PALM2AKAP2: variants seen among roughly 807,000 people sequenced by gnomAD.
PALM2AKAP2 encodes PALM2 and AKAP2 fusion, also known as PALM2-AKAP2 fusion protein.
In PALM2AKAP2, 37 loss-of-function variants were observed where a neutral mutation model predicts 71.5. That is an observed-to-expected ratio of 0.52 (90% CI 0.40 to 0.68). The LOEUF is 0.68. Among genes scored for constraint, PALM2AKAP2 ranks in the 30% least tolerant of loss-of-function variants. PALM2AKAP2 has a pLI of 0.00. For synonymous variants in PALM2AKAP2, 468 were observed against 478.8 expected, an observed-to-expected ratio of 0.98 and a Z score of 0.29; for missense variants, 1,224 against 1,191.8, an observed-to-expected ratio of 1.03 and a Z score of -0.40.
At chr9:109,827,549 C>T (rs1395832225) in intron 1 of PALM2AKAP2, among the ~76,000 whole-genome samples, 5 of 152,080 alleles carry the variant, frequency 3.3e-5, no homozygotes, top group African/African-American at 1.2e-4. Flanking sequence ...GCAGAGGTTG[C>T]AGTGAGCCGG....
chr9:109,917,823 A>C (rs963109648), intron 3 of PALM2AKAP2, among the ~76,000 whole-genome samples: 1 of 152,158 alleles, frequency 6.6e-6, no homozygotes, highest in Admixed American at 6.5e-5. Flanking sequence ...GTTGTGTGGA[A>C]GTCCCTTCGG....
chr9:109,967,820 A>T (rs935677425), intron 6 of PALM2AKAP2, among the ~76,000 whole-genome samples: 13 of 152,236 alleles, frequency 8.5e-5, no homozygotes, highest in Non-Finnish European at 1.8e-4. Context: ...GTGGTGGATG[A>T]GTCAACCAGG....
intron 1 of PALM2AKAP2, chr9:109,867,164 C>CTCTGTG (rs879237135): frequency 2.9e-4 from 115 of 399,846 alleles, no homozygotes; most frequent in East Asian, 1.5e-3. Context: ...ACATGGTTCT[C>CTCTGTG]TGTGTGTGTG....
At chr9:109,935,600 A>G (rs1831201293) in intron 6 of PALM2AKAP2, among the ~76,000 whole-genome samples, 1 of 152,216 alleles carries the variant, frequency 6.6e-6, no homozygotes, top group South Asian at 2.1e-4. Flanking sequence ...TGATTAACCC[A>G]TGCTGGCTCT....
intron 1 of PALM2AKAP2, among the ~76,000 whole-genome samples, chr9:109,830,136 C>G (rs116874105): frequency 1.3e-5 from 2 of 152,320 alleles, no homozygotes; most frequent in Non-Finnish European, 2.9e-5. Context: ...AAGTGACGAC[C>G]TAGTCCTTAG....
At chr9:109,754,919 C>T (rs1316554714) in intron 1 of PALM2AKAP2, among the ~76,000 whole-genome samples, 1 of 152,102 alleles carries the variant, frequency 6.6e-6, no homozygotes, top group African/African-American at 2.4e-5. Context: ...AATGGCACCA[C>T]TATCCAACCA....
At chr9:109,835,158 G>C in intron 1 of PALM2AKAP2, among the ~76,000 whole-genome samples, 1 of 151,594 alleles carries the variant, frequency 6.6e-6, no homozygotes, top group Admixed American at 6.6e-5. Context: ...CAGAGGTGGA[G>C]GGAAAGAGGA....
In PALM2AKAP2 at chr9:109,825,850, C is replaced by A. The variant is rs1213800293; in HGVS notation, c.46-41641C>A. Among the ~76,000 whole-genome samples, 5 of 152,290 alleles carry A rather than the reference C, an allele frequency of 3.3e-5. No homozygotes were observed. In the East Asian group the frequency reaches 9.6e-4, roughly 29 times the overall value. On this transcript the variant is annotated intron_variant, in intron 1 of 9. Coordinates refer to the PALM2AKAP2 transcript ENST00000302798. ...AACTAGAAATACCATTTGACCCAGC[C>A]ATCCCATTACTGGGTATATACACAA...
chr9:109,884,293 C>T (rs1242011785), intron 3 of PALM2AKAP2, among the ~76,000 whole-genome samples: 1 of 152,142 alleles, frequency 6.6e-6, no homozygotes, highest in Non-Finnish European at 1.5e-5. Context: ...AAAACCCCAT[C>T]TCTACTAAAA....
chr9:110,106,031 C>A (rs1835112704), intron 1 of PALM2AKAP2, among the ~76,000 whole-genome samples: 1 of 152,160 alleles, frequency 6.6e-6, no homozygotes, highest in South Asian at 2.1e-4. Flanking sequence ...ATTCACTACT[C>A]TGACTTTGCA....
chr9:109,980,971 C>T (rs1248246784), intron 6 of PALM2AKAP2, among the ~76,000 whole-genome samples: 3 of 152,210 alleles, frequency 2.0e-5, no homozygotes, highest in Non-Finnish European at 4.4e-5. Flanking sequence ...GTTTGTGCCT[C>T]CATTTCCTTC....
In PALM2AKAP2 at chr9:110,035,772, A is replaced by T. The variant is rs888459055; in HGVS notation, c.582+19733A>T. On this transcript the variant is annotated intron_variant, in intron 7 of 9. Transcript: ENST00000302798. ...ACATATATAGGATATGTTGTATGTTATATGTAACATATATAGGATATGTTG... is the reference window on the plus strand; with the variant it reads ...ACATATATAGGATATGTTGTATGTTTTATGTAACATATATAGGATATGTTG... 4.8e-5 allele frequency among the ~76,000 whole-genome samples: 6 copies of T among 125,942 alleles called. 1 individual carries two copies. Among genetic ancestry groups the T allele is most frequent in the Non-Finnish European group, 9.6e-5 (6 of 62,190 alleles). The allele number at this position is 125,942 out of a possible 152,430, so 82.6% of individuals were successfully genotyped here.
intron 7 of PALM2AKAP2, among the ~76,000 whole-genome samples, chr9:110,030,859 G>T (rs925251576): frequency 6.6e-6 from 1 of 152,224 alleles, no homozygotes; most frequent in African/African-American, 2.4e-5. Flanking sequence ...CAGGCCACTG[G>T]TAGGTCTGCA....
At chr9:109,669,719 A>C (rs150028682) in intron 1 of PALM2AKAP2, among the ~76,000 whole-genome samples, 177 of 136,954 alleles carry the variant, frequency 1.3e-3, no homozygotes, top group African/African-American at 4.5e-3. Flanking sequence ...CTACTTTTTA[A>C]AATTTATTGA....
chr9:109,839,307 C>T (rs989695292), intron 1 of PALM2AKAP2, among the ~76,000 whole-genome samples: 1 of 152,160 alleles, frequency 6.6e-6, no homozygotes, highest in Non-Finnish European at 1.5e-5. Flanking sequence ...TCAATAGATG[C>T]AGAAAAGGCC....
chr9:109,954,316 T>A (rs1363115431), intron 6 of PALM2AKAP2, among the ~76,000 whole-genome samples: 2 of 152,178 alleles, frequency 1.3e-5, no homozygotes, highest in Admixed American at 1.3e-4. Context: ...TGCCTTTTGA[T>A]CTAGGCTATA....
intron 1 of PALM2AKAP2, among the ~76,000 whole-genome samples, chr9:109,809,937 T>C (rs1827683908): frequency 6.6e-6 from 1 of 152,166 alleles, no homozygotes; most frequent in Admixed American, 6.5e-5. Flanking sequence ...TCTGCCAGGA[T>C]TGTGAGGCCT....
intron 1 of PALM2AKAP2, among the ~76,000 whole-genome samples, chr9:110,111,356 G>C (rs1483187382): frequency 1.3e-5 from 2 of 152,050 alleles, no homozygotes. Flanking sequence ...GCCTCCCAAA[G>C]TGCTGGAAAT....
In PALM2AKAP2 at chr9:110,104,641, G is replaced by A. The variant is rs564339593; in HGVS notation, c.157-31486G>A. 3.3e-5 allele frequency among the ~76,000 whole-genome samples: 5 copies of A among 152,308 alleles called. No homozygotes were observed. In the South Asian group the frequency reaches 6.2e-4, roughly 19 times the overall value. ...TCCAAGAAGGCAGACTCAAGATAGA[G>A]GGCTGCCAAAGCTCACAGATGTGGA... On this transcript the variant is annotated intron_variant, in intron 1 of 3. Transcript: ENST00000374525.
Sources: allele counts gnomAD v4.1 joint callset (sites outside exome capture counted in the v4.1 genomes callset), GRCh38; gene constraint gnomAD v4.1.1; transcripts MANE v1.5; gene names NCBI Gene and HGNC (gene_info 2026-07-23, HGNC 2026-07-21).